Variants in HSPBAP1 observed in about 807,000 individuals in gnomAD.
HSPBAP1 encodes the protein HSPB1-associated protein 1.
Under a neutral mutation model 45.2 loss-of-function variants are expected in HSPBAP1, and 27 were observed. The ratio of observed to expected loss-of-function variants is 0.60; its 90% CI spans 0.44 to 0.82. The LOEUF is 0.82. Ranked by LOEUF, HSPBAP1 falls within the 40% of genes least tolerant of loss-of-function variation. The pLI, the probability that HSPBAP1 is intolerant of heterozygous loss-of-function variation, is 0.00. For synonymous variants in HSPBAP1, 204 were observed against 202.7 expected (o/e 1.01, Z -0.06); for missense variants, 510 against 590.9 (o/e 0.86, Z 1.42).
At chr3:122,780,161 A>G (rs1576270973) in intron 1 of HSPBAP1, among the ~76,000 whole-genome samples, 1 of 100,996 alleles carries the variant, frequency 9.9e-6, no homozygotes, top group South Asian at 3.8e-4. Context: ...TCCCTCCTGG[A>G]CGGGGCGGCT....
chr3:122,777,597 T>G, intron 2 of HSPBAP1, 124 bp downstream of exon 2: 2 of 619,420 alleles, frequency 3.2e-6, no homozygotes, highest in Middle Eastern at 2.6e-4. Context: ...TGTTCCTGTA[T>G]GTGCAGTGAA....
At chr3:122,750,446 T>C (rs1456950192) in intron 6 of HSPBAP1, among the ~76,000 whole-genome samples, 1 of 152,232 alleles carries the variant, frequency 6.6e-6, no homozygotes, top group Admixed American at 6.5e-5. Flanking sequence ...TAAGCCTTGT[T>C]ATGACGTCAG....
At chr3:122,778,868 G>C (rs555654310) in intron 1 of HSPBAP1, among the ~76,000 whole-genome samples, 44 of 152,050 alleles carry the variant, frequency 2.9e-4, no homozygotes, top group African/African-American at 1.0e-3. Flanking sequence ...AATATCAATG[G>C]TTTCTGGAAG....
chr3:122,772,053 T>C (rs1341703425), intron 2 of HSPBAP1, among the ~76,000 whole-genome samples: 5 of 152,198 alleles, frequency 3.3e-5, no homozygotes, highest in Non-Finnish European at 7.3e-5. Context: ...GTTAGAAAAC[T>C]GTAACAGGCA....
chr3:122,774,079 A>C (rs1031619737), intron 2 of HSPBAP1, among the ~76,000 whole-genome samples: 1 of 152,232 alleles, frequency 6.6e-6, no homozygotes, highest in Non-Finnish European at 1.5e-5. Context: ...TCATTCTTTC[A>C]CTTCACAAAT....
chr3:122,781,414 G>C (rs542360064), intron 1 of HSPBAP1, among the ~76,000 whole-genome samples: 1 of 151,848 alleles, frequency 6.6e-6, no homozygotes, highest in East Asian at 1.9e-4. Context: ...AACCAGTCAG[G>C]CGTGGCGGCG....
intron 6 of HSPBAP1, among the ~76,000 whole-genome samples, chr3:122,745,310 A>G (rs954828839): frequency 2.6e-5 from 4 of 152,182 alleles, no homozygotes; most frequent in African/African-American, 4.8e-5. Flanking sequence ...AATTCAAATT[A>G]ACACAAAAAT....
intron 6 of HSPBAP1, among the ~76,000 whole-genome samples, chr3:122,746,774 T>C (rs1159336115): frequency 6.6e-6 from 1 of 152,090 alleles, no homozygotes; most frequent in East Asian, 1.9e-4. Flanking sequence ...TGCCTCGGCC[T>C]GCCGAGTGCC....
chr3:122,748,230 G>C (rs1053559371), intron 6 of HSPBAP1, among the ~76,000 whole-genome samples: 2 of 152,042 alleles, frequency 1.3e-5, no homozygotes, highest in African/African-American at 4.8e-5. Context: ...AAGTACCCAG[G>C]GACACAAACA....
intron 6 of HSPBAP1, chr3:122,741,818 G>C (rs1933679302): frequency 6.6e-6 from 1 of 152,148 alleles, no homozygotes; most frequent in African/African-American, 2.4e-5. Flanking sequence ...GATATGTTTA[G>C]CCTCCAGGGA....
At chr3:122,782,552 A>ATGTGCAG (rs992788115) in intron 1 of HSPBAP1, among the ~76,000 whole-genome samples, 31 of 152,254 alleles carry the variant, frequency 2.0e-4, no homozygotes, top group African/African-American at 7.5e-4. Context: ...ATGTTCCTAT[A>ATGTGCAG]TGTGCAGTGA....
chr3:122,756,303 C>T (rs563443646), intron 4 of HSPBAP1, among the ~76,000 whole-genome samples: 3 of 152,184 alleles, frequency 2.0e-5, no homozygotes, highest in Non-Finnish European at 4.4e-5. Flanking sequence ...CTGCTGTTTT[C>T]GAACTAAGAA....
chr3:122,750,569 T>G (rs1358346446), intron 6 of HSPBAP1, among the ~76,000 whole-genome samples: 4 of 142,762 alleles, frequency 2.8e-5, no homozygotes, highest in Non-Finnish European at 4.7e-5. Flanking sequence ...TCTATCTATC[T>G]CACATTCTAG....
chr3:122,764,771 T>C (rs763154518), intron 3 of HSPBAP1, among the ~76,000 whole-genome samples: 2 of 152,248 alleles, frequency 1.3e-5, no homozygotes, highest in Non-Finnish European at 2.9e-5. Context: ...TAGGTAAGAA[T>C]GACAAGTTTT....
intron 1 of HSPBAP1, among the ~76,000 whole-genome samples, chr3:122,780,340 C>T (rs1576271487): frequency 8.3e-6 from 1 of 120,718 alleles, no homozygotes; most frequent in Non-Finnish European, 1.8e-5. Context: ...GGGCTGACCC[C>T]CCCACCTCCC....
chr3:122,762,604 T>C (rs1305215248), intron 3 of HSPBAP1, among the ~76,000 whole-genome samples: 1 of 152,192 alleles, frequency 6.6e-6, no homozygotes, highest in Non-Finnish European at 1.5e-5. Context: ...ATTTCCTAAT[T>C]TTCCTTGTGA....
chr3:122,770,738 A>G (rs2107525026), intron 2 of HSPBAP1, among the ~76,000 whole-genome samples: 1 of 152,274 alleles, frequency 6.6e-6, no homozygotes, highest in South Asian at 2.1e-4. Flanking sequence ...AAAAATTATC[A>G]ACTTCATCAA....
intron 2 of HSPBAP1, among the ~76,000 whole-genome samples, chr3:122,772,268 C>T (rs1172080075): frequency 6.6e-6 from 1 of 152,052 alleles, no homozygotes; most frequent in Non-Finnish European, 1.5e-5. Context: ...GAAATCCCAA[C>T]AGGATTTCTT....
chr3:122,749,488 A>G (rs1934048355), intron 6 of HSPBAP1, among the ~76,000 whole-genome samples: 1 of 152,228 alleles, frequency 6.6e-6, no homozygotes, highest in Non-Finnish European at 1.5e-5. Flanking sequence ...CTTTGTATCT[A>G]TCCCTCTTAG....
Sources: allele counts gnomAD v4.1 joint callset (sites outside exome capture counted in the v4.1 genomes callset), GRCh38; gene constraint gnomAD v4.1.1; transcripts MANE v1.5; gene names NCBI Gene and HGNC (gene_info 2026-07-23, HGNC 2026-07-21).